The following ELFN1 variants were observed in gnomAD, a reference collection of about 807,000 sequenced individuals.
ELFN1 encodes protein ELFN1.
A neutral mutation model predicts 7.6 loss-of-function variants in ELFN1; 6 were observed. The ratio of observed to expected loss-of-function variants is 0.79; its 90% CI spans 0.43 to 1.56. ELFN1 has a LOEUF of 1.56. ELFN1 is among the 40% of genes most tolerant of loss of function. The probability of loss-of-function intolerance (pLI) is 0.01; values close to 1 mark genes in which losing one functional copy is unlikely to be tolerated. For missense variants in ELFN1, 1,169 were observed against 1,232.2 expected (o/e 0.95, Z 0.77); for synonymous variants, 657 against 588.1 (o/e 1.12, Z -1.70).
upstream of ELFN1, among the ~76,000 whole-genome samples, chr7:1,670,213 C>G (rs990978178): frequency 2.0e-5 from 3 of 151,010 alleles, no homozygotes; most frequent in East Asian, 4.0e-4. This position sits in a 1 kb window ranked among gnomAD's most constrained non-coding sequence, Gnocchi z 6.4. Flanking sequence ...AATTCCCCCC[C>G]GGCCGCGCGG....
chr7:1,671,650 G>T (rs1305156201), intron 1 of ELFN1, among the ~76,000 whole-genome samples: 1 of 152,262 alleles, frequency 6.6e-6, no homozygotes, highest in African/African-American at 2.4e-5. Context: ...ACCCCATTGG[G>T]TTGGGCATAG....
rs372606655 is a variant in ELFN1, at chr7:1,693,865, G to A, written c.-456+5715G>A. ...GGTTCCTGGGCAGAGGCTCCAGCAG[G>A]AGTGAGAGTGCTTCCTCCTCCCCAG... On this transcript the variant is annotated intron_variant, in intron 2 of 3. Transcript: ENST00000424383. 67 of 441,230 alleles carry A rather than the reference G, an allele frequency of 1.5e-4. 1 individual carries two copies. The highest frequency in any genetic ancestry group is 1.0e-3 in the South Asian group (64 of 61,004). 27.3% of individuals were successfully genotyped at this position (441,230 alleles called of 1,614,324 possible). A position where few individuals can be genotyped will look rare whatever the true frequency, so the allele number is the denominator to read the frequency against.
intron 3 of ELFN1, among the ~76,000 whole-genome samples, chr7:1,723,095 G>A (rs1583371864): frequency 6.6e-6 from 1 of 152,210 alleles, no homozygotes; most frequent in Non-Finnish European, 1.5e-5. Flanking sequence ...TCGGGAGGCT[G>A]AGGCAGGAGA....
chr7:1,693,787 C>T (rs779067914), intron 2 of ELFN1: 23 of 470,550 alleles, frequency 4.9e-5, no homozygotes, highest in South Asian at 9.3e-5. Context: ...CTGACAGACA[C>T]GGGGTGCGGG....
At chr7:1,742,185 C>T (rs936200346) in intron 3 of ELFN1, 9 of 152,460 alleles carry the variant, frequency 5.9e-5, no homozygotes, top group African/African-American at 2.2e-4. Context: ...GGTGAGGGCT[C>T]TTAGGCCCTG....
chr7:1,709,314 C>T (rs1355915273), intron 3 of ELFN1, 62 bp downstream of exon 3: 1 of 152,316 alleles, frequency 6.6e-6, no homozygotes, highest in Non-Finnish European at 1.5e-5. Context: ...GGGACAGGAA[C>T]AATTCCTAAT....
chr7:1,744,878 C>A lies in ELFN1; in HGVS notation c.282C>A (p.Asn94Lys). 1 of 1,569,598 alleles carries A rather than the reference C, an allele frequency of 6.4e-7. No individual in the cohort carries two copies. Among genetic ancestry groups the A allele is most frequent in the Non-Finnish European group, 8.6e-7 (1 of 1,156,582 alleles). Residue 94 changes from asparagine (N) to lysine (K), a missense_variant, in exon 4 of 4, where the codon AAC becomes AAA. Around this residue, in one of 2 missense-constraint regions of ELFN1, gnomAD observed 255 missense variants for 359.6 expected, o/e 0.71. Transcript: ENST00000424383. ...GNLTYLNLTK[N>K]EIGYIEDGAF... ...TCACGTACCTCAACCTCACCAAGAA[C>A]GAGATCGGCTACATCGAGGACGGCG...
chr7:1,713,536 A>G (rs918019532), intron 3 of ELFN1, among the ~76,000 whole-genome samples: 1 of 152,052 alleles, frequency 6.6e-6, no homozygotes, highest in Non-Finnish European at 1.5e-5. Flanking sequence ...GCTTTTATCC[A>G]GGCAGTGATT....
intron 3 of ELFN1, among the ~76,000 whole-genome samples, chr7:1,715,660 C>A (rs914670356): frequency 6.6e-6 from 1 of 152,152 alleles, no homozygotes; most frequent in Admixed American, 6.5e-5. Flanking sequence ...TTAATTTCCT[C>A]CTGTAATTTA....
Position 1,746,828 on chromosome 7 carries a change from GC to G in ELFN1, c.2236del (p.Arg746AlafsTer15). ...TCCTGGAGCCACTCACCCGGCCGCG[GC>G]CCCGCGACCTCGCCTACTCGCAGCT... ...SILEPLTRPR[P>X]RDLAYSQLSP... On this transcript the variant is annotated frameshift_variant, in exon 4 of 4. Transcript: ENST00000424383. LOFTEE classifies it high-confidence loss of function. The G allele has an allele frequency of 6.5e-7, 1 of 1,535,390 alleles. No individual in the cohort carries two copies. Among genetic ancestry groups the G allele is most frequent in the South Asian group, 1.2e-5 (1 of 82,208 alleles).
At chr7:1,734,485 C>G (rs535072800) in intron 3 of ELFN1, among the ~76,000 whole-genome samples, 1 of 152,296 alleles carries the variant, frequency 6.6e-6, no homozygotes, top group East Asian at 1.9e-4. Context: ...GCAGAATAAG[C>G]CTGGTGTATC....
chr7:1,714,261 GC>G (rs1779759639), intron 3 of ELFN1, among the ~76,000 whole-genome samples: 1 of 152,042 alleles, frequency 6.6e-6, no homozygotes, highest in South Asian at 2.1e-4. Context: ...CAGAGGCTCA[GC>G]CCCCAGCATG....
In ELFN1 at chr7:1,673,713, A is replaced by G. The variant is rs1031785735; in HGVS notation, c.-549+3359A>G. Reference sequence around the variant, plus strand: ...GCTGGCATCCCCAGATGGAAAGACAATGGTCTCACAAATAAATGTGCCTCC... The same window carrying G: ...GCTGGCATCCCCAGATGGAAAGACAGTGGTCTCACAAATAAATGTGCCTCC... On this transcript the variant is annotated intron_variant, in intron 1 of 3. Coordinates refer to ENST00000424383, the MANE Select transcript of ELFN1 (RefSeq NM_001128636.4). This position sits in a 1 kb window ranked among gnomAD's most constrained non-coding sequence, Gnocchi z 4.7. Among the ~76,000 whole-genome samples the G allele has an allele frequency of 1.3e-5, 2 of 152,186 alleles. No individual in the cohort carries two copies. Among genetic ancestry groups the G allele is most frequent in the African/African-American group, 4.8e-5 (2 of 41,452 alleles).
chr7:1,693,876 C>A, intron 2 of ELFN1: 1 of 432,484 alleles, frequency 2.3e-6, no homozygotes. Flanking sequence ...AGTGAGAGTG[C>A]TTCCTCCTCC....
At chr7:1,690,412 AATGG>A (rs1779136810) in intron 2 of ELFN1, among the ~76,000 whole-genome samples, 2 of 138,892 alleles carry the variant, frequency 1.4e-5, no homozygotes, top group African/African-American at 5.6e-5. Context: ...TGGGTGGATG[AATGG>A]ATGGATGAAT....
chr7:1,675,594 G>T (rs1415638575), intron 1 of ELFN1, among the ~76,000 whole-genome samples: 1 of 152,242 alleles, frequency 6.6e-6, no homozygotes, highest in East Asian at 1.9e-4. Flanking sequence ...CGCCCCACAT[G>T]GATGAGAATC....
chr7:1,745,820 G>C lies in ELFN1; in HGVS notation c.1224G>C (p.Pro408=). ...CLPRLPSPPG[P]VPSPSTATHY... ...CCCGGCTGCCCAGCCCGCCTGGTCC[G>C]GTGCCCAGCCCCTCCACGGCCACCC... The change falls in exon 4 of 4, where the codon CCG becomes CCC. Residue 408 remains proline (P), a synonymous_variant. Transcript: ENST00000424383. 1 of 1,570,566 alleles carries C rather than the reference G, an allele frequency of 6.4e-7. No individual in the cohort carries two copies. Among genetic ancestry groups the C allele is most frequent in the Non-Finnish European group, 8.6e-7 (1 of 1,160,292 alleles).
At chr7:1,713,880 C>T (rs955943512) in intron 3 of ELFN1, among the ~76,000 whole-genome samples, 4 of 152,276 alleles carry the variant, frequency 2.6e-5, no homozygotes, top group Non-Finnish European at 2.9e-5. Flanking sequence ...GCCGCACGCC[C>T]GGCTCCCCTC....
chr7:1,685,930 T>A (rs1285029839), intron 1 of ELFN1, among the ~76,000 whole-genome samples: 1 of 147,786 alleles, frequency 6.8e-6, no homozygotes, highest in Non-Finnish European at 1.5e-5. Flanking sequence ...AGTATTAAAA[T>A]ATATATATTA....
Sources: allele counts gnomAD v4.1 joint callset (sites outside exome capture counted in the v4.1 genomes callset), GRCh38; gene constraint gnomAD v4.1.1; regional missense constraint gnomAD v4.1.1; non-coding constraint Gnocchi (gnomAD v3.1); transcripts MANE v1.5; gene names NCBI Gene and HGNC (gene_info 2026-07-23, HGNC 2026-07-21).